The following TAF5 variants were observed in gnomAD, a reference collection of about 807,000 sequenced individuals.
TAF5 encodes TATA-box binding protein associated factor 5, also known as transcription initiation factor TFIID subunit 5.
In TAF5, 20 loss-of-function variants were observed where a neutral mutation model predicts 80.9. The ratio of observed to expected loss-of-function variants is 0.25; its 90% CI spans 0.17 to 0.36. TAF5 has a LOEUF of 0.36. Ranked by LOEUF, TAF5 falls within the 10% of genes least tolerant of loss-of-function variation. The pLI, the probability that TAF5 is intolerant of heterozygous loss-of-function variation, is 1.00. For missense variants in TAF5, 863 were observed against 1,029.4 expected, an observed-to-expected ratio of 0.84 and a Z score of 2.21; for synonymous variants, 388 against 406.4, an observed-to-expected ratio of 0.95 and a Z score of 0.55.
At position 103,368,146 on chromosome 10, in the gene TAF5, G is replaced by A. The variant is rs2093349435; in HGVS notation, c.157G>A (p.Ala53Thr). The change falls in exon 1 of 11, where the codon GCG becomes ACG. Residue 53 changes from alanine to threonine, a missense_variant. Ala to Thr is a moderately conservative substitution (Grantham distance 58, BLOSUM62 0). This residue lies in a region of TAF5 where 367 missense variants were observed against 335.5 expected (regional missense o/e 1.09). Transcript: ENST00000369839. ...CAACGGCGGCGGCGGGAACGTTGCG[G>A]CGTCGTCGTCCACTGGCGGGGATGG... ...GPNGGGGNVA[A>T]SSSTGGDGGT... 3 of 1,396,142 alleles carry A rather than the reference G, an allele frequency of 2.1e-6. No individual in the cohort carries two copies. Among genetic ancestry groups the A allele is most frequent in the Non-Finnish European group, 1.9e-6 (2 of 1,075,182 alleles). The allele number at this position is 1,396,142 out of a possible 1,614,324, so 86.5% of individuals were successfully genotyped here.
At chr10:103,377,387 C>T (rs1032163835) in intron 2 of TAF5, among the ~76,000 whole-genome samples, 1 of 152,156 alleles carries the variant, frequency 6.6e-6, no homozygotes, top group Admixed American at 6.6e-5. Flanking sequence ...ACATAGTTAA[C>T]AGTTTAGAAA....
intron 8 of TAF5, among the ~76,000 whole-genome samples, chr10:103,386,960 G>T (rs1168299050): frequency 6.7e-6 from 1 of 148,916 alleles, no homozygotes; most frequent in East Asian, 2.0e-4. Context: ...CCCATGCCTG[G>T]CAAGACCTCA....
intron 2 of TAF5, among the ~76,000 whole-genome samples, chr10:103,376,921 G>A (rs2093371484): frequency 1.3e-5 from 2 of 152,184 alleles, no homozygotes; most frequent in Admixed American, 6.5e-5. Flanking sequence ...GCACGTGCCT[G>A]TAGTCCCAGC....
intron 5 of TAF5, among the ~76,000 whole-genome samples, chr10:103,381,478 G>T (rs1290251183): frequency 6.6e-6 from 1 of 152,060 alleles, no homozygotes; most frequent in Non-Finnish European, 1.5e-5. Flanking sequence ...TGTTGGCCAG[G>T]CTGGTCTTGA....
Position 103,387,323 on chromosome 10 carries a change from A to C in TAF5, c.1978A>C (p.Asn660His). The C allele has an allele frequency of 6.2e-7, 1 of 1,614,084 alleles. No individual in the cohort carries two copies. The highest frequency in any genetic ancestry group is 8.5e-7 in the Non-Finnish European group (1 of 1,179,986). ...GCGGCTCTGGGACGTCCTGAATGGT[A>C]ACTGTGTAAGGATCTTCACTGGACA... ...TVRLWDVLNG[N>H]CVRIFTGHKG... Residue 660 changes from asparagine to histidine, a missense_variant, in exon 9 of 11, where the codon AAC becomes CAC. Coordinates refer to ENST00000369839, the MANE Select transcript of TAF5 (RefSeq NM_006951.5).
At chr10:103,387,125 C>T (rs1325190182) in intron 8 of TAF5, 50 bp from the exon 9 acceptor site, 7 of 1,542,548 alleles carry the variant, frequency 4.5e-6, no homozygotes, top group Admixed American at 2.0e-5. Context: ...TTTGGCGTTT[C>T]ACAGCTATCT....
rs1360024347 is a variant in TAF5 at position 103,368,398 on chromosome 10, G to T, written c.409G>T (p.Asp137Tyr). The T allele has an allele frequency of 1.3e-6, 2 of 1,565,390 alleles. No individual in the cohort carries two copies. The highest frequency in any genetic ancestry group is 3.7e-5 in the Admixed American group (2 of 53,752). The change falls in exon 1 of 11, where the codon GAC becomes TAC. Residue 137 changes from aspartate to tyrosine, a missense_variant. This residue lies in a region of TAF5 where 367 missense variants were observed against 335.5 expected (regional missense o/e 1.09). Transcript: ENST00000369839. The stretch of plus-strand genomic sequence containing the variant: ...GGGCTCCGGAGCCCCGGGAGAGGTG[G>T]ACAGCGCCGGCGCTGAGGTGACCAG... ...VAGSGAPGEV[D>Y]SAGAEVTSAL...
intron 8 of TAF5, among the ~76,000 whole-genome samples, chr10:103,386,058 A>G (rs920650071): frequency 2.0e-5 from 3 of 151,958 alleles, no homozygotes; most frequent in African/African-American, 7.3e-5. Context: ...ACCCCATCAG[A>G]TACTTAACCT....
chr10:103,380,636 A>G (rs2093380587), intron 5 of TAF5, among the ~76,000 whole-genome samples: 1 of 148,814 alleles, frequency 6.7e-6, no homozygotes, highest in Non-Finnish European at 1.5e-5. Context: ...TTTTTTTGAG[A>G]CAGAGTTTTG....
intron 2 of TAF5, among the ~76,000 whole-genome samples, chr10:103,376,679 A>G (rs933601602): frequency 2.0e-5 from 3 of 152,148 alleles, no homozygotes; most frequent in Non-Finnish European, 4.4e-5. Flanking sequence ...CCTTGGCAAC[A>G]TAGATACTGT....
rs2093350689 is a variant in TAF5, at chr10:103,368,429, T to C, written c.440T>C (p.Leu147Pro). Residue 147 changes from leucine (L) to proline (P), a missense_variant, in exon 1 of 11, where the codon CTT becomes CCT. By Grantham distance (98) the Leu-to-Pro change is moderately conservative. Transcript: ENST00000369839. ...DSAGAEVTSA[L>P]LSRVTASAPG... Reference sequence around the variant, plus strand: ...GCCGGCGCTGAGGTGACCAGCGCGCTTCTCAGCCGGGTGACCGCCTCGGCC... The same window carrying C: ...GCCGGCGCTGAGGTGACCAGCGCGCCTCTCAGCCGGGTGACCGCCTCGGCC... The C allele has an allele frequency of 6.6e-7, 1 of 1,512,724 alleles. No individual in the cohort carries two copies. Among genetic ancestry groups the C allele is most frequent in the East Asian group, 2.5e-5 (1 of 39,514 alleles). 93.7% of individuals were successfully genotyped at this position (1,512,724 alleles called of 1,614,324 possible).
intron 2 of TAF5, among the ~76,000 whole-genome samples, chr10:103,376,942 G>C (rs1213716427): frequency 6.6e-6 from 1 of 152,180 alleles, no homozygotes; most frequent in African/African-American, 2.4e-5. Flanking sequence ...TGCTCAGGAG[G>C]CTGAAGCATG....
At position 103,387,183 on chromosome 10, in the gene TAF5, C is replaced by T; in HGVS notation, c.1838C>T (p.Ala613Val). 2 of 1,613,212 alleles carry T rather than the reference C, an allele frequency of 1.2e-6. No homozygotes were observed. The highest frequency in any genetic ancestry group is 1.7e-6 in the Non-Finnish European group (2 of 1,179,456). Residue 613 changes from alanine (A) to valine (V), a missense_variant, in exon 9 of 11, where the codon GCT becomes GTT. Ala to Val is a moderately conservative substitution (Grantham distance 64, BLOSUM62 0). Around this residue, in one of 3 missense-constraint regions of TAF5, gnomAD observed 368 missense variants for 461.7 expected, o/e 0.80. Coordinates refer to ENST00000369839, the MANE Select transcript of TAF5 (RefSeq NM_006951.5). ...CAATAACTTTATAAAAGGCTCTGGG[C>T]TACAGACCACTATCAGCCTTTAAGA... ...GGHDRVARLWATDHYQPLRIF... is the reference protein window; with the variant it reads ...GGHDRVARLWVTDHYQPLRIF...
At position 103,368,035 on chromosome 10, in the gene TAF5, G is replaced by A. The variant is rs779567570; in HGVS notation, c.46G>A (p.Glu16Lys). Reference protein sequence around the residue: ...EEQTEVAVKLEPEGPPTLLPP... With the variant: ...EEQTEVAVKLKPEGPPTLLPP... ...GCAGACGGAGGTGGCGGTCAAGCTAGAGCCTGAGGGACCGCCAACGCTGCT... is the reference window on the plus strand; with the variant it reads ...GCAGACGGAGGTGGCGGTCAAGCTAAAGCCTGAGGGACCGCCAACGCTGCT... The change falls in exon 1 of 11, where the codon GAG (glutamate) becomes AAG (lysine). Residue 16 changes from glutamate to lysine, a missense_variant. Glu to Lys is a moderately conservative substitution (Grantham distance 56). Transcript: ENST00000369839. 1.4e-6 allele frequency: 2 copies of A among 1,456,240 alleles called. No homozygotes were observed. The highest frequency in any genetic ancestry group is 1.3e-5 in the South Asian group (1 of 74,716). 90.2% of individuals were successfully genotyped at this position (1,456,240 alleles called of 1,614,324 possible).
Position 103,383,060 on chromosome 10 carries a change from C to A in TAF5, c.1535-178C>A, listed in dbSNP as rs76991454. 7.6e-3 allele frequency among the ~76,000 whole-genome samples: 1,164 copies of A among 152,268 alleles called. 18 individuals are homozygous for A. The highest frequency in any genetic ancestry group is 0.026 in the African/African-American group (1,089 of 41,538). On this transcript the variant is annotated intron_variant, in intron 6 of 10. Transcript: ENST00000369839. ...CTAGCAAATTATCTGTTCTGAACGT[C>A]ATTTTCTTCTCTTACACGCTGAGAT... is the stretch of plus-strand genomic sequence containing the variant.
At chr10:103,384,356 C>G (rs1032391009) in intron 7 of TAF5, among the ~76,000 whole-genome samples, 4 of 152,148 alleles carry the variant, frequency 2.6e-5, no homozygotes, top group African/African-American at 9.7e-5. Context: ...TCAGGCCGGG[C>G]ACAGTGGCTC....
intron 8 of TAF5, among the ~76,000 whole-genome samples, chr10:103,386,746 C>A (rs900164172): frequency 2.0e-5 from 3 of 151,616 alleles, no homozygotes; most frequent in Admixed American, 6.6e-5. Flanking sequence ...TCACTGCAAC[C>A]TCTACCTCCT....
intron 2 of TAF5, among the ~76,000 whole-genome samples, chr10:103,376,251 C>T (rs2093369804): frequency 6.6e-6 from 1 of 151,892 alleles, no homozygotes. Context: ...ATCACCATGC[C>T]TGGCTAATTT....
At chr10:103,373,118 G>A (rs945550003) in intron 1 of TAF5, among the ~76,000 whole-genome samples, 1 of 150,532 alleles carries the variant, frequency 6.6e-6, no homozygotes, top group Non-Finnish European at 1.5e-5. Flanking sequence ...CAAGACACTC[G>A]CCTGCGAGGT....
Sources: allele counts gnomAD v4.1 joint callset (sites outside exome capture counted in the v4.1 genomes callset), GRCh38; gene constraint gnomAD v4.1.1; regional missense constraint gnomAD v4.1.1; transcripts MANE v1.5; gene names NCBI Gene and HGNC (gene_info 2026-07-23, HGNC 2026-07-21).